The following DMD variants were observed in gnomAD, a reference collection of about 807,000 sequenced individuals.
The protein encoded by DMD is dystrophin.
DMD carries 63 observed loss-of-function variants against 330.1 expected under a neutral mutation model. That is an observed-to-expected ratio of 0.19 (90% confidence interval 0.16 to 0.24). The LOEUF (loss-of-function observed/expected upper bound fraction) is 0.24, where lower values mean the gene tolerates loss of function less well. DMD is among the 10% of genes least tolerant of loss of function. The pLI, the probability that DMD is intolerant of heterozygous loss-of-function variation, is 1.00. For synonymous variants in DMD, 1,223 were observed against 959.8 expected (o/e 1.27, Z -5.07); for missense variants, 3,344 against 2,684.1 (o/e 1.25, Z -5.43).
intron 41 of DMD, among the ~76,000 whole-genome samples, chrX:32,311,618 A>C (rs1355860857): frequency 9.0e-6 from 1 of 111,699 alleles, no homozygotes; most frequent in Non-Finnish European, 1.9e-5. Context: ...AATCCATGGC[A>C]CACATTCCTT....
intron 44 of DMD, among the ~76,000 whole-genome samples, chrX:32,027,936 G>A (rs377146652): frequency 2.7e-5 from 3 of 112,172 alleles, no homozygotes; most frequent in Non-Finnish European, 5.6e-5. Context: ...ACATGAGTGG[G>A]TCTTTAAGCA....
chrX:31,484,548 C>T (rs1470589292), intron 57 of DMD, among the ~76,000 whole-genome samples: 2 of 111,761 alleles, frequency 1.8e-5, no homozygotes, highest in African/African-American at 3.2e-5. Context: ...ATACTAAAGA[C>T]GTAGAGCACC....
intron 11 of DMD, among the ~76,000 whole-genome samples, chrX:32,635,881 G>A (rs1291046047): frequency 1.8e-5 from 2 of 111,519 alleles, no homozygotes; most frequent in South Asian, 3.7e-4. Flanking sequence ...CATCGCTATT[G>A]TCCTCTAGTT....
chrX:32,706,616 CATA>C (rs1398903582), intron 7 of DMD, among the ~76,000 whole-genome samples: 1 of 111,094 alleles, frequency 9.0e-6, no homozygotes, highest in African/African-American at 3.3e-5. Flanking sequence ...GCTCAAAATG[CATA>C]ATGCTTGCCT....
At chrX:32,656,252 G>A (rs7064819) in intron 9 of DMD, among the ~76,000 whole-genome samples, 53 of 111,749 alleles carry the variant, frequency 4.7e-4, no homozygotes, top group African/African-American at 1.5e-3. Flanking sequence ...CCTGAAGGTC[G>A]TGATACACAC....
rs1030734212 is a variant in DMD at position 31,221,736 on chromosome X, G to A, written c.9361+1311C>T. On this transcript the variant is annotated intron_variant, in intron 64 of 78. Coordinates refer to ENST00000357033, the MANE Select transcript of DMD (RefSeq NM_004006.3). ...TGAACATCCTGGTTATCCCTTGTTA[G>A]ACTGTAAGTTCCATCAGAGCAGAAA... is the stretch of plus-strand genomic sequence containing the variant. 2.7e-5 allele frequency among the ~76,000 whole-genome samples: 3 copies of A among 112,760 alleles called. No homozygotes were observed. The Admixed American group carries it at 2.8e-4, about 10-fold the overall frequency.
At chrX:32,017,814 C>A (rs2095775976) in intron 44 of DMD, among the ~76,000 whole-genome samples, 1 of 111,878 alleles carries the variant, frequency 8.9e-6, no homozygotes, top group African/African-American at 3.3e-5. Context: ...GAACATCCTT[C>A]AAAATTATTG....
At chrX:31,628,908 T>G (rs1249105503) in intron 54 of DMD, among the ~76,000 whole-genome samples, 1 of 67,732 alleles carries the variant, frequency 1.5e-5, no homozygotes, top group Non-Finnish European at 3.0e-5. Flanking sequence ...GTATTCATAT[T>G]TTTGATCATA....
In DMD at chrX:31,223,135, A is replaced by C. The variant is rs1458693320; in HGVS notation, c.9287-14T>G. ...TATTCAGGTCAGCTGAAAAGAGGGA[A>C]AACAAAGAGCATTTGTTATTCCATC... On this transcript the variant is annotated splice_polypyrimidine_tract_variant and intron_variant, in intron 63 of 78. Transcript: ENST00000357033. The C allele has an allele frequency of 8.4e-7, 1 of 1,196,188 alleles. No homozygotes were observed. Among genetic ancestry groups the C allele is most frequent in the East Asian group, 3.0e-5 (1 of 33,796 alleles).
intron 17 of DMD, among the ~76,000 whole-genome samples, chrX:32,518,885 C>T (rs144509016): frequency 0.019 from 2,045 of 109,012 alleles, 41 homozygotes; most frequent in African/African-American, 0.064. Context: ...GCACTGCCTA[C>T]GTTGAAGAAT....
At chrX:32,390,913 G>C (rs1217272299) in intron 30 of DMD, among the ~76,000 whole-genome samples, 1 of 111,765 alleles carries the variant, frequency 8.9e-6, no homozygotes, top group Non-Finnish European at 1.9e-5. Context: ...GCCCCAAACA[G>C]GTATTGCTAT....
chrX:31,287,375 G>C (rs887320782), intron 62 of DMD, among the ~76,000 whole-genome samples: 4 of 112,311 alleles, frequency 3.6e-5, no homozygotes, highest in African/African-American at 1.3e-4. Context: ...CAACGCAAGA[G>C]AGGAAAAGAA....
chrX:33,078,484 C>G (rs967269758), intron 1 of DMD, among the ~76,000 whole-genome samples: 4 of 112,189 alleles, frequency 3.6e-5, no homozygotes, highest in African/African-American at 1.3e-4. Flanking sequence ...AAATTTGTCA[C>G]TGAGTGTATT....
intron 55 of DMD, among the ~76,000 whole-genome samples, chrX:31,586,227 G>A (rs893247717): frequency 1.8e-5 from 2 of 112,255 alleles, no homozygotes; most frequent in African/African-American, 3.2e-5. Flanking sequence ...AATTAAAAAC[G>A]TAGAATTCAA....
chrX:31,207,662 A>C (rs1322397759), intron 65 of DMD, among the ~76,000 whole-genome samples: 3 of 111,933 alleles, frequency 2.7e-5, no homozygotes, highest in Non-Finnish European at 5.6e-5. Flanking sequence ...TTCTAAGTGG[A>C]AGCTAAATGA....
intron 41 of DMD, among the ~76,000 whole-genome samples, chrX:32,335,186 A>T (rs182636615): frequency 9.2e-6 from 1 of 109,008 alleles, no homozygotes; most frequent in African/African-American, 3.4e-5. Context: ...TTTATTTTAC[A>T]AATTTATTCA....
chrX:32,154,855 G>GA lies in DMD; in HGVS notation c.6438+62060dup, dbSNP rs201219325. Among the ~76,000 whole-genome samples the GA allele has an allele frequency of 9.5e-3, 930 of 98,107 alleles. 6 individuals carry two copies. The highest frequency in any genetic ancestry group is 0.021 in the African/African-American group (571 of 27,310). 85.2% of individuals were successfully genotyped at this position (98,107 alleles called of 115,157 possible). A position where few individuals can be genotyped will look rare whatever the true frequency, so the allele number is the denominator to read the frequency against. On this transcript the variant is annotated intron_variant, in intron 44 of 78. Coordinates refer to ENST00000357033, the MANE Select transcript of DMD (RefSeq NM_004006.3). The stretch of plus-strand genomic sequence containing the variant: ...AAACGCAGAAGAGGGCACAAGCTTT[G>GA]AAAAAAAAAAAAAATTGCCTGTTAC...
At chrX:32,094,127 C>T (rs1040013535) in intron 44 of DMD, among the ~76,000 whole-genome samples, 1 of 111,880 alleles carries the variant, frequency 8.9e-6, no homozygotes, top group Non-Finnish European at 1.9e-5. Flanking sequence ...AAGAGTCCTA[C>T]TGATTGTTAA....
rs1556950121 is a variant in DMD at position 31,861,666 on chromosome X, G to GTGTA, written c.7098+13521_7098+13522insTACA. On this transcript the variant is annotated intron_variant, in intron 48 of 78. Coordinates refer to ENST00000357033, the MANE Select transcript of DMD (RefSeq NM_004006.3). ...TGTGTGTGTGTGTGTGTGTGTGTGT[G>GTGTA]TATATATATACACACACACACACAG... Among the ~76,000 whole-genome samples, 7 of 78,711 alleles carry GTGTA rather than the reference G, an allele frequency of 8.9e-5. No individual in the cohort carries two copies. In the East Asian group the frequency reaches 1.4e-3, roughly 16 times the overall value. The allele number at this position is 78,711 out of a possible 115,157, so 68.4% of individuals were successfully genotyped here.
Sources: allele counts gnomAD v4.1 joint callset (sites outside exome capture counted in the v4.1 genomes callset), GRCh38; gene constraint gnomAD v4.1.1; transcripts MANE v1.5; gene names NCBI Gene and HGNC (gene_info 2026-07-23, HGNC 2026-07-21).